Variants in SND1 observed in about 807,000 individuals in gnomAD.
SND1 encodes the protein staphylococcal nuclease and tudor domain containing 1, also known as staphylococcal nuclease domain-containing protein 1.
A neutral mutation model predicts 121.7 loss-of-function variants in SND1; 38 were observed. That is an observed-to-expected ratio of 0.31 (90% CI 0.24 to 0.41). The LOEUF (loss-of-function observed/expected upper bound fraction) is 0.41, where lower values mean the gene tolerates loss of function less well. Among genes scored for constraint, SND1 ranks in the 10% least tolerant of loss-of-function variants. SND1 has a pLI of 1.00. For synonymous variants in SND1, 401 were observed against 447.4 expected, an observed-to-expected ratio of 0.90 and a Z score of 1.31; for missense variants, 868 against 1,184.6, an observed-to-expected ratio of 0.73 and a Z score of 3.92.
chr7:127,876,193 C>T (rs1027514969), intron 12 of SND1, among the ~76,000 whole-genome samples: 6 of 152,060 alleles, frequency 3.9e-5, no homozygotes, highest in African/African-American at 9.7e-5. Context: ...TGATTGTCTT[C>T]GTATTAGAAA....
At chr7:128,039,002 C>A (rs1792802967) in intron 16 of SND1, among the ~76,000 whole-genome samples, 1 of 152,142 alleles carries the variant, frequency 6.6e-6, no homozygotes, top group Non-Finnish European at 1.5e-5. Context: ...GCCCACAGGC[C>A]CTAAGTCTTC....
intron 11 of SND1, among the ~76,000 whole-genome samples, chr7:127,835,189 T>G (rs1234674977): frequency 6.6e-6 from 1 of 152,202 alleles, no homozygotes; most frequent in East Asian, 1.9e-4. Flanking sequence ...TAGAAGCCAT[T>G]AAGCAAGTCT....
chr7:127,925,226 C>T (rs550059637), intron 14 of SND1, among the ~76,000 whole-genome samples: 3 of 152,292 alleles, frequency 2.0e-5, no homozygotes, highest in South Asian at 2.1e-4. Flanking sequence ...TGCTGTAGAG[C>T]ACAGGTAATG....
chr7:127,857,872 C>G (rs1799310347), intron 12 of SND1: 3 of 1,313,440 alleles, frequency 2.3e-6, no homozygotes, highest in Middle Eastern at 2.1e-4. Context: ...AAAGTCAATG[C>G]GTTTGGAGTT....
intron 1 of SND1, among the ~76,000 whole-genome samples, chr7:127,655,725 T>C (rs773193023): frequency 6.6e-6 from 1 of 152,186 alleles, no homozygotes; most frequent in Non-Finnish European, 1.5e-5. Flanking sequence ...GTAGATGAGG[T>C]TGGGAGAAGT....
chr7:127,981,241 G>A (rs1802252560), intron 15 of SND1, among the ~76,000 whole-genome samples: 1 of 151,776 alleles, frequency 6.6e-6, no homozygotes, highest in African/African-American at 2.4e-5. Context: ...TGAGGTTGTT[G>A]TTTTGGTATG....
intron 17 of SND1, among the ~76,000 whole-genome samples, chr7:128,078,151 G>C (rs1793537151): frequency 6.6e-6 from 1 of 152,186 alleles, no homozygotes; most frequent in African/African-American, 2.4e-5. Flanking sequence ...TTGTTCTAAG[G>C]ATGGGGACAA....
At chr7:128,027,819 C>G (rs1024769073) in intron 16 of SND1, 3 of 152,136 alleles carry the variant, frequency 2.0e-5, no homozygotes, top group East Asian at 1.9e-4. Flanking sequence ...CCCCCTGCTG[C>G]CGCACCCCTT....
intron 16 of SND1, among the ~76,000 whole-genome samples, chr7:128,043,846 G>GTA (rs1436769032): frequency 4.1e-5 from 4 of 96,940 alleles, no homozygotes; most frequent in African/African-American, 9.9e-5. Flanking sequence ...ATATATGTGT[G>GTA]TATATATATA....
chr7:127,804,912 T>C (rs1798205359), intron 10 of SND1, among the ~76,000 whole-genome samples: 1 of 152,210 alleles, frequency 6.6e-6, no homozygotes, highest in South Asian at 2.1e-4. Flanking sequence ...TGTTGTTTGG[T>C]GAATATGAGT....
intron 11 of SND1, among the ~76,000 whole-genome samples, chr7:127,837,663 T>G (rs1212263701): frequency 1.3e-5 from 2 of 152,238 alleles, no homozygotes; most frequent in African/African-American, 4.8e-5. Context: ...TTTGAAGCTC[T>G]TCCTGTACCT....
chr7:128,081,399 A>G lies in SND1; in HGVS notation c.2008A>G (p.Met670Val). 6.2e-7 allele frequency: 1 copy of G among 1,614,184 alleles called. No homozygotes were observed. Among genetic ancestry groups the G allele is most frequent in the Non-Finnish European group, 8.5e-7 (1 of 1,180,038 alleles). The change falls in exon 18 of 24, where the codon ATG (methionine) becomes GTG (valine). Residue 670 changes from methionine (M) to valine (V), a missense_variant. Around this residue, in one of 2 missense-constraint regions of SND1, gnomAD observed 743 missense variants for 1,071.3 expected, o/e 0.69. Coordinates refer to ENST00000354725, the MANE Select transcript of SND1 (RefSeq NM_014390.4). The stretch of plus-strand genomic sequence containing the variant: ...TGAGGAGCAGCCCGTGGAGGAGGTG[A>G]TGCCAGTGCTGGAGGAGAAGGAGCG... Reference protein sequence around the residue: ...HYEEQPVEEVMPVLEEKERSA... With the variant: ...HYEEQPVEEVVPVLEEKERSA...
chr7:128,006,909 G>T (rs1440155863), intron 16 of SND1, among the ~76,000 whole-genome samples: 2 of 152,222 alleles, frequency 1.3e-5, no homozygotes, highest in Non-Finnish European at 2.9e-5. Flanking sequence ...CAGTCTTTGT[G>T]TCAGCCCGAG....
At chr7:127,751,709 G>C (rs1203597449) in intron 10 of SND1, among the ~76,000 whole-genome samples, 3 of 152,224 alleles carry the variant, frequency 2.0e-5, no homozygotes, top group Non-Finnish European at 2.9e-5. Context: ...TCTGTGGGCT[G>C]GGCAGGGTTT....
intron 4 of SND1, among the ~76,000 whole-genome samples, chr7:127,700,541 C>G (rs369793731): frequency 3.3e-5 from 5 of 152,088 alleles, no homozygotes; most frequent in Admixed American, 3.3e-4. Flanking sequence ...CCATTTCTAG[C>G]CTTTTTAAAA....
intron 16 of SND1, among the ~76,000 whole-genome samples, chr7:128,051,435 C>T (rs1204617546): frequency 6.7e-6 from 1 of 149,536 alleles, no homozygotes; most frequent in African/African-American, 2.6e-5. Context: ...GGTGACCTAG[C>T]TTGACAGCAA....
chr7:127,684,937 G>A (rs1795787295), intron 1 of SND1, among the ~76,000 whole-genome samples: 1 of 152,016 alleles, frequency 6.6e-6, no homozygotes, highest in Non-Finnish European at 1.5e-5. Context: ...ATATTGGAAT[G>A]TACAATATTG....
chr7:127,853,757 G>A (rs886256941), intron 12 of SND1, among the ~76,000 whole-genome samples: 1 of 152,130 alleles, frequency 6.6e-6, no homozygotes, highest in Non-Finnish European at 1.5e-5. Context: ...AAGGTTTTCT[G>A]TGCAGTTTTG....
intron 10 of SND1, among the ~76,000 whole-genome samples, chr7:127,790,343 C>G (rs940294239): frequency 6.6e-6 from 1 of 152,144 alleles, no homozygotes; most frequent in Non-Finnish European, 1.5e-5. Context: ...ATCAGCTCTT[C>G]TAGGACAAGG....
Sources: gnomAD v4.1 joint callset for allele counts (sites outside exome capture counted in the v4.1 genomes callset) on GRCh38, gnomAD v4.1.1 for gene constraint, gnomAD v4.1.1 regional missense constraint, MANE v1.5 for transcripts, NCBI Gene and HGNC (gene_info 2026-07-23, HGNC 2026-07-21) for gene names.